The following SLC35B2 variants were observed in gnomAD, a reference collection of about 807,000 sequenced individuals.
SLC35B2 encodes the protein adenosine 3'-phospho 5'-phosphosulfate transporter 1.
A neutral mutation model predicts 37.9 loss-of-function variants in SLC35B2; 19 were observed. The ratio of observed to expected loss-of-function variants is 0.50; its 90% CI spans 0.35 to 0.74. The LOEUF (loss-of-function observed/expected upper bound fraction) is 0.74. Ranked by LOEUF, SLC35B2 falls within the 30% of genes least tolerant of loss-of-function variation. SLC35B2 has a pLI of 0.01. For synonymous variants in SLC35B2, 277 were observed against 225.2 expected, an observed-to-expected ratio of 1.23 and a Z score of -2.06; for missense variants, 633 against 547.6, an observed-to-expected ratio of 1.16 and a Z score of -1.56.
Position 44,257,521 on chromosome 6 carries a change from G to C in SLC35B2, c.-111C>G. 1.9e-6 allele frequency: 2 copies of C among 1,072,744 alleles called. No homozygotes were observed. The highest frequency in any genetic ancestry group is 2.4e-6 in the Non-Finnish European group (2 of 842,752). 66.5% of individuals were successfully genotyped at this position (1,072,744 alleles called of 1,614,324 possible). The stretch of plus-strand genomic sequence containing the variant: ...GGAGCGGCCAGCGAGCCAGCGGCCA[G>C]CGGAAGTGCCGCGCTCTTCCCGCCT... On this transcript the variant is annotated 5_prime_UTR_variant, in exon 1 of 4. Coordinates refer to ENST00000393812, the MANE Select transcript of SLC35B2 (RefSeq NM_178148.4).
Position 44,257,439 on chromosome 6 carries a change from A to G in SLC35B2, c.-29T>C. 8.0e-7 allele frequency: 1 copy of G among 1,252,830 alleles called. No individual in the cohort carries two copies. The highest frequency in any genetic ancestry group is 1.5e-5 in the African/African-American group (1 of 64,698). 77.6% of individuals were successfully genotyped at this position (1,252,830 alleles called of 1,614,324 possible). A position where few individuals can be genotyped will look rare whatever the true frequency, so the allele number is the denominator to read the frequency against. On this transcript the variant is annotated 5_prime_UTR_variant, in exon 1 of 4. Transcript: ENST00000393812. ...CCAGGCCGCGTGGGGTGGAGGGGGA[A>G]CCGGGGAATGCGAGTCCCCGGGCCG... is the stretch of plus-strand genomic sequence containing the variant.
Position 44,254,277 on chromosome 6 carries a change from C to T in SLC35B2, c.*429G>A, listed in dbSNP as rs36091687. The T allele has an allele frequency of 3.0e-5, 6 of 200,720 alleles. No individual in the cohort carries two copies. The highest frequency in any genetic ancestry group is 1.3e-4 in the East Asian group (1 of 7,784). 12.4% of individuals were successfully genotyped at this position (200,720 alleles called of 1,614,324 possible). On this transcript the variant is annotated 3_prime_UTR_variant, in exon 4 of 4. Coordinates refer to ENST00000393812, the MANE Select transcript of SLC35B2 (RefSeq NM_178148.4). Reference sequence around the variant, plus strand: ...TTTCCTCAGCACAGCACCATCTTCACCCTCCTGGGAAAGCAGCATTGGAGC... The same window carrying T: ...TTTCCTCAGCACAGCACCATCTTCATCCTCCTGGGAAAGCAGCATTGGAGC...
Position 44,254,607 on chromosome 6 carries a change from C to A in SLC35B2, c.*99G>T. On this transcript the variant is annotated 3_prime_UTR_variant, in exon 4 of 4. Transcript: ENST00000393812. ...GCTGGTCTGTGATACTGAGAAAACACCTGCATTTTGCCCTTTCAGCCAGCT... is the reference window on the plus strand; with the variant it reads ...GCTGGTCTGTGATACTGAGAAAACAACTGCATTTTGCCCTTTCAGCCAGCT... 1 of 1,330,550 alleles carries A rather than the reference C, an allele frequency of 7.5e-7. No homozygotes were observed. The highest frequency in any genetic ancestry group is 1.4e-5 in the South Asian group (1 of 71,474). 82.4% of individuals were successfully genotyped at this position (1,330,550 alleles called of 1,614,324 possible).
chr6:44,256,279 C>T (rs1278574441), intron 3 of SLC35B2, 63 bp downstream of exon 3: 9 of 1,556,390 alleles, frequency 5.8e-6, no homozygotes, highest in Non-Finnish European at 6.9e-6. Context: ...AAATGGAAAC[C>T]TTCACAGAAT....
rs1429779460 is a variant in SLC35B2 at position 44,254,441 on chromosome 6, T to A, written c.*265A>T. 2.6e-5 allele frequency: 12 copies of A among 468,960 alleles called. No homozygotes were observed. The highest frequency in any genetic ancestry group is 1.5e-4 in the Admixed American group (4 of 25,904). 29.0% of individuals were successfully genotyped at this position (468,960 alleles called of 1,614,324 possible). On this transcript the variant is annotated 3_prime_UTR_variant, in exon 4 of 4. Coordinates refer to ENST00000393812, the MANE Select transcript of SLC35B2 (RefSeq NM_178148.4). ...AAGAGTAACTGGAACCTACCTATGC[T>A]CTCTTGACCCCAAACTCCCCAAAAC...
At position 44,254,486 on chromosome 6, in the gene SLC35B2, A is replaced by AC. The variant is rs1052493446; in HGVS notation, c.*219dup. On this transcript the variant is annotated 3_prime_UTR_variant, in exon 4 of 4. Transcript: ENST00000393812. ...CAAAACCCCTCACTGAGGACTGTCTACCCCCGGGGCTCAGAATAAACTGCT... is the reference window on the plus strand; with the variant it reads ...CAAAACCCCTCACTGAGGACTGTCTACCCCCCGGGGCTCAGAATAAACTGCT... 44 of 565,802 alleles carry AC rather than the reference A, an allele frequency of 7.8e-5. No homozygotes were observed. Among genetic ancestry groups the AC allele is most frequent in the South Asian group, 4.0e-4 (17 of 42,420 alleles). 35.0% of individuals were successfully genotyped at this position (565,802 alleles called of 1,614,324 possible). A position where few individuals can be genotyped will look rare whatever the true frequency, so the allele number is the denominator to read the frequency against.
chr6:44,254,577 G>T lies in SLC35B2; in HGVS notation c.*129C>A. 9.2e-7 allele frequency: 1 copy of T among 1,083,794 alleles called. No homozygotes were observed. Among genetic ancestry groups the T allele is most frequent in the Non-Finnish European group, 1.3e-6 (1 of 759,234 alleles). The allele number at this position is 1,083,794 out of a possible 1,614,324, so 67.1% of individuals were successfully genotyped here. A position where few individuals can be genotyped will look rare whatever the true frequency, so the allele number is the denominator to read the frequency against. ...CTCCTGGGCTCCCCAATCCCCTGCT[G>T]CAGAGCTGGTCTGTGATACTGAGAA... is the stretch of plus-strand genomic sequence containing the variant. On this transcript the variant is annotated 3_prime_UTR_variant, in exon 4 of 4. Transcript: ENST00000393812.
In SLC35B2 at chr6:44,255,230, G is replaced by A. The variant is rs779213017; in HGVS notation, c.775C>T (p.Pro259Ser). ...GTGGCTGGGGAGCTGCGGGGCTCTGGTCCGCTGGATAGCAGAAACATGCTG... is the reference window on the plus strand; with the variant it reads ...GTGGCTGGGGAGCTGCGGGGCTCTGATCCGCTGGATAGCAGAAACATGCTG... ...GVSMFLLSSGPEPRSSPATTL... is the reference protein window; with the variant it reads ...GVSMFLLSSGSEPRSSPATTL... The change falls in exon 4 of 4, where the codon CCA becomes TCA. Residue 259 changes from proline to serine, a missense_variant. Physicochemically the swap from Pro to Ser is moderately conservative, Grantham distance 74. Coordinates refer to ENST00000393812, the MANE Select transcript of SLC35B2 (RefSeq NM_178148.4). 16 of 1,614,130 alleles carry A rather than the reference G, an allele frequency of 9.9e-6. No homozygotes were observed. The highest frequency in any genetic ancestry group is 1.4e-5 in the Non-Finnish European group (16 of 1,180,054).
In SLC35B2 at chr6:44,254,715, C is replaced by A. The variant is rs1781179561; in HGVS notation, c.1290G>T (p.Gln430His). ...CAGGCCCTTTCCACCCTCAAACCTT[C>A]TGCACAGGAGACTCAACAGGCACAG... Reference protein sequence around the residue: ...KKAVPVESPVQKV With the variant: ...KKAVPVESPVHKV Residue 430 changes from glutamine (Q) to histidine (H), a missense_variant, in exon 4 of 4, where the codon CAG becomes CAT. Transcript: ENST00000393812. 6.2e-7 allele frequency: 1 copy of A among 1,610,370 alleles called. No individual in the cohort carries two copies. The highest frequency in any genetic ancestry group is 8.5e-7 in the Non-Finnish European group (1 of 1,177,212).
intron 2 of SLC35B2, 24 bp downstream of exon 2, chr6:44,256,661 C>G: frequency 6.2e-7 from 1 of 1,613,748 alleles, no homozygotes; most frequent in South Asian, 1.1e-5. Flanking sequence ...ACCTAGCTCA[C>G]TTCCCCGCCC....
rs35174143 is a variant in SLC35B2 at position 44,255,721 on chromosome 6, T to C, written c.361-77A>G. On this transcript the variant is annotated intron_variant, in intron 3 of 3. Coordinates refer to ENST00000393812, the MANE Select transcript of SLC35B2 (RefSeq NM_178148.4). ...TAGACAAAAATTGACCTCTCTCTCT[T>C]CAGGATTATGCCTAAGTGATTCAAA... The C allele has an allele frequency of 6.2e-4, 847 of 1,372,336 alleles. 10 individuals carry two copies. In the African/African-American group the frequency reaches 0.011, roughly 17 times the overall value. 85.0% of individuals were successfully genotyped at this position (1,372,336 alleles called of 1,614,324 possible). A position where few individuals can be genotyped will look rare whatever the true frequency, so the allele number is the denominator to read the frequency against.
rs547964616 is a variant in SLC35B2 at position 44,257,097 on chromosome 6, C to T, written c.12-219G>A. The T allele has an allele frequency of 4.9e-4, 308 of 624,638 alleles. 3 individuals carry two copies. The South Asian group carries it at 5.1e-3, about 10-fold the overall frequency. 38.7% of individuals were successfully genotyped at this position (624,638 alleles called of 1,614,324 possible). The stretch of plus-strand genomic sequence containing the variant: ...CTCCCTCCCCGGGGGCGGATCCGCC[C>T]CTCTGGCCACACAGGTCTCCTCTGT... On this transcript the variant is annotated intron_variant, in intron 1 of 3. Coordinates refer to ENST00000393812, the MANE Select transcript of SLC35B2 (RefSeq NM_178148.4).
chr6:44,255,710 C>T (rs913393392), intron 3 of SLC35B2, 66 bp from the exon 4 acceptor site: 1 of 1,455,168 alleles, frequency 6.9e-7, no homozygotes, highest in Non-Finnish European at 9.3e-7. Flanking sequence ...CAAAAATTGA[C>T]CTCTCTCTCT....
chr6:44,256,939 G>C, intron 1 of SLC35B2, 61 bp from the exon 2 acceptor site: 1 of 1,529,550 alleles, frequency 6.5e-7, no homozygotes, highest in Non-Finnish European at 8.8e-7. Flanking sequence ...GCCCTCCAGA[G>C]GGGACCACAC....
chr6:44,255,658 T>C lies in SLC35B2; in HGVS notation c.361-14A>G. The C allele has an allele frequency of 6.2e-7, 1 of 1,602,566 alleles. No homozygotes were observed. Among genetic ancestry groups the C allele is most frequent in the African/African-American group, 1.3e-5 (1 of 74,680 alleles). On this transcript the variant is annotated splice_polypyrimidine_tract_variant and intron_variant, in intron 3 of 3. Transcript: ENST00000393812. ...CAGATAAGACACCTGTTGGGGAAGG[T>C]AGAGACAAAGGAGACAATAAGCAAG...
At chr6:44,256,626 T>G in intron 2 of SLC35B2, 59 bp downstream of exon 2, 3 of 1,611,060 alleles carry the variant, frequency 1.9e-6, no homozygotes, top group Non-Finnish European at 2.5e-6. Flanking sequence ...CCGTTTGGAC[T>G]GCTGGCCAAA....
Position 44,254,765 on chromosome 6 carries a change from G to A in SLC35B2, c.1240C>T (p.Arg414Cys), listed in dbSNP as rs200968592. The A allele has an allele frequency of 4.3e-6, 7 of 1,614,076 alleles. No homozygotes were observed. In the Middle Eastern group the frequency reaches 6.6e-4, roughly 152 times the overall value. ...GCCTTCTTTCCCCGTTGCTTTAGAC[G>A]GCCCCGCGCGTAGACTCTGAGCAGG... ...ALLLRVYARGRLKQRGKKAVP... is the reference protein window; with the variant it reads ...ALLLRVYARGCLKQRGKKAVP... The change falls in exon 4 of 4, where the codon CGT (arginine) becomes TGT (cysteine). Residue 414 changes from arginine to cysteine, a missense_variant. Physicochemically the swap from Arg to Cys is radical, Grantham distance 180. Coordinates refer to ENST00000393812, the MANE Select transcript of SLC35B2 (RefSeq NM_178148.4).
intron 1 of SLC35B2, 163 bp from the exon 2 acceptor site, chr6:44,257,041 G>A (rs1202466973): frequency 2.7e-5 from 22 of 822,538 alleles, no homozygotes; most frequent in African/African-American, 7.0e-5. Flanking sequence ...CTCGGGGAGG[G>A]GGTGCGCCGG....
chr6:44,256,939 G>T (rs1338918504), intron 1 of SLC35B2, 61 bp from the exon 2 acceptor site: 2 of 1,529,430 alleles, frequency 1.3e-6, no homozygotes, highest in African/African-American at 2.8e-5. Flanking sequence ...GCCCTCCAGA[G>T]GGGACCACAC....
Sources: allele counts gnomAD v4.1 joint callset, GRCh38; gene constraint gnomAD v4.1.1; transcripts MANE v1.5; gene names NCBI Gene and HGNC (gene_info 2026-07-23, HGNC 2026-07-21).